DLGAP2: variants seen among roughly 807,000 people sequenced by gnomAD.
DLGAP2 encodes disks large-associated protein 2.
In DLGAP2, 26 loss-of-function variants were observed where a neutral mutation model predicts 100.3. The ratio of observed to expected loss-of-function variants is 0.26; its 90% CI spans 0.19 to 0.36. DLGAP2 has a LOEUF of 0.36. Ranked by LOEUF, DLGAP2 falls within the 10% of genes least tolerant of loss-of-function variation. The probability of loss-of-function intolerance (pLI) is 1.00; values close to 1 mark genes in which losing one functional copy is unlikely to be tolerated. For synonymous variants in DLGAP2, 886 were observed against 630.1 expected (o/e 1.41, Z -6.08); for missense variants, 1,858 against 1,453.2 (o/e 1.28, Z -4.53).
At chr8:924,837 T>C (rs1338035896) in intron 2 of DLGAP2, among the ~76,000 whole-genome samples, 2 of 152,106 alleles carry the variant, frequency 1.3e-5, no homozygotes, top group Non-Finnish European at 2.9e-5. Flanking sequence ...CCACCTGCCT[T>C]GGCCTCCCAA....
intron 8 of DLGAP2, among the ~76,000 whole-genome samples, chr8:1,641,018 A>T (rs935552922): frequency 2.0e-5 from 3 of 152,116 alleles, no homozygotes; most frequent in Non-Finnish European, 4.4e-5. Flanking sequence ...GGGAGACCCA[A>T]GCTCTCCTGG....
chr8:1,115,307 A>G (rs1805083137), intron 2 of DLGAP2, among the ~76,000 whole-genome samples: 1 of 152,130 alleles, frequency 6.6e-6, no homozygotes, highest in Non-Finnish European at 1.5e-5. Context: ...TTCCACTATT[A>G]TTGTGTGGGA....
intron 3 of DLGAP2, among the ~76,000 whole-genome samples, chr8:1,359,912 A>G (rs1335265868): frequency 2.0e-5 from 3 of 152,204 alleles, no homozygotes; most frequent in African/African-American, 4.8e-5. Flanking sequence ...GAATTTTGCT[A>G]AGGCAATTGG....
chr8:1,458,961 ACCAG>A lies in DLGAP2; in HGVS notation c.107-42404_107-42401del, dbSNP rs547754650. ...GTGTGTGTCCCAGACAGGAGTGACA[ACCAG>A]GTGGTTTACATGCATCTACCCGAGG... On this transcript the variant is annotated intron_variant, in intron 3 of 14. Coordinates refer to ENST00000637795, the MANE Select transcript of DLGAP2 (RefSeq NM_001346810.2). Among the ~76,000 whole-genome samples, 1,420 of 150,538 alleles carry A rather than the reference ACCAG, an allele frequency of 9.4e-3. 13 individuals carry two copies. Among genetic ancestry groups the A allele is most frequent in the Middle Eastern group, 0.018 (5 of 280 alleles).
intron 3 of DLGAP2, among the ~76,000 whole-genome samples, chr8:1,477,689 C>G (rs1421706939): frequency 6.6e-6 from 1 of 152,116 alleles, no homozygotes; most frequent in African/African-American, 2.4e-5. Context: ...TTATTTACTT[C>G]CCTGACATTT....
chr8:1,508,671 G>GC (rs1306596368), intron 4 of DLGAP2, among the ~76,000 whole-genome samples: 1 of 149,510 alleles, frequency 6.7e-6, no homozygotes, highest in African/African-American at 2.5e-5. Flanking sequence ...GCTCAACGTG[G>GC]CGGGGGAGTT....
intron 1 of DLGAP2, among the ~76,000 whole-genome samples, chr8:800,756 G>A (rs1796134920): frequency 6.6e-6 from 1 of 152,172 alleles, no homozygotes. Flanking sequence ...ATGTGTGCAT[G>A]TGTGTGTCTG....
chr8:784,828 A>C (rs1821793840), intron 1 of DLGAP2, among the ~76,000 whole-genome samples: 2 of 152,176 alleles, frequency 1.3e-5, no homozygotes, highest in Non-Finnish European at 2.9e-5. Context: ...AATAAGCCGC[A>C]TCTTTATAGT....
intron 1 of DLGAP2, among the ~76,000 whole-genome samples, chr8:745,538 A>C (rs973864798): frequency 6.6e-6 from 1 of 152,244 alleles, no homozygotes; most frequent in Non-Finnish European, 1.5e-5. Context: ...CAATTTTAAA[A>C]AAACTCTTCT....
chr8:1,038,684 G>A (rs1464824973), intron 2 of DLGAP2, among the ~76,000 whole-genome samples: 1 of 152,178 alleles, frequency 6.6e-6, no homozygotes, highest in African/African-American at 2.4e-5. Flanking sequence ...TTCTGTAAAA[G>A]CATGTAGAAT....
At chr8:1,277,419 C>T (rs1799720698) in intron 3 of DLGAP2, among the ~76,000 whole-genome samples, 1 of 152,020 alleles carries the variant, frequency 6.6e-6, no homozygotes, top group Admixed American at 6.6e-5. Context: ...ATACATAGAG[C>T]AAGAAGCATA....
intron 2 of DLGAP2, among the ~76,000 whole-genome samples, chr8:1,057,800 T>G (rs1050349838): frequency 6.6e-6 from 1 of 152,188 alleles, no homozygotes; most frequent in Non-Finnish European, 1.5e-5. Flanking sequence ...GAGATAATCT[T>G]TAGTTCAATG....
intron 6 of DLGAP2, chr8:1,621,078 T>G (rs1015130376): frequency 2.0e-5 from 3 of 152,222 alleles, no homozygotes; most frequent in Admixed American, 1.3e-4. Flanking sequence ...ACTACACGAG[T>G]GCTACGCTTG....
intron 6 of DLGAP2, among the ~76,000 whole-genome samples, chr8:1,581,339 T>TA (rs1803245863): frequency 7.0e-6 from 1 of 143,630 alleles, no homozygotes; most frequent in African/African-American, 2.7e-5. Context: ...AAGAGAAGGA[T>TA]ACAGACAAAA....
chr8:1,307,662 CG>C (rs1160978617), intron 3 of DLGAP2, among the ~76,000 whole-genome samples: 3 of 152,048 alleles, frequency 2.0e-5, no homozygotes, highest in African/African-American at 7.2e-5. Context: ...GGGGCCTAGA[CG>C]GGTGAAAGAA....
intron 1 of DLGAP2, among the ~76,000 whole-genome samples, chr8:863,461 C>T (rs932160796): frequency 3.3e-5 from 5 of 152,156 alleles, no homozygotes; most frequent in East Asian, 3.8e-4. Flanking sequence ...TGTTGTGTTT[C>T]GGCATTCCAC....
At chr8:1,133,011 C>A (rs1796329114) in intron 2 of DLGAP2, among the ~76,000 whole-genome samples, 1 of 152,186 alleles carries the variant, frequency 6.6e-6, no homozygotes, top group Admixed American at 6.5e-5. Context: ...GTCTTCACTT[C>A]CCCCTAATCT....
Position 1,043,364 on chromosome 8 carries a change from T to A in DLGAP2, c.73+135398T>A, listed in dbSNP as rs185736540. ...GGTGGGTGTGGGTGGTGGGTGTGGG[T>A]GGTGGACGTGGCTGGCAGGTGGTGG... On this transcript the variant is annotated intron_variant, in intron 2 of 14. Transcript: ENST00000637795. Among the ~76,000 whole-genome samples, 826 of 143,866 alleles carry A rather than the reference T, an allele frequency of 5.7e-3. 20 individuals carry two copies. Among genetic ancestry groups the A allele is most frequent in the African/African-American group, 0.021 (777 of 37,680 alleles). 94.4% of individuals were successfully genotyped at this position (143,866 alleles called of 152,430 possible). A position where few individuals can be genotyped will look rare whatever the true frequency, so the allele number is the denominator to read the frequency against.
intron 1 of DLGAP2, among the ~76,000 whole-genome samples, chr8:848,356 G>T (rs976617111): frequency 1.6e-5 from 2 of 121,994 alleles, no homozygotes; most frequent in Admixed American, 7.9e-5. Context: ...AGGAACGTGC[G>T]GTGCCTGTTC....
Sources: allele counts gnomAD v4.1 joint callset (sites outside exome capture counted in the v4.1 genomes callset), GRCh38; gene constraint gnomAD v4.1.1; transcripts MANE v1.5; gene names NCBI Gene and HGNC (gene_info 2026-07-23, HGNC 2026-07-21).